CHLSN: variants seen among roughly 807,000 people sequenced by gnomAD.
CHLSN encodes protein cholesin.
At chr7:1,020,971 G>A in the CHLSN span, among the ~76,000 whole-genome samples, 1 of 138,998 alleles carries the variant, frequency 7.2e-6, no homozygotes, top group Non-Finnish European at 1.5e-5. Context: ...AGGGCCTCCA[G>A]GCTGGGGACC....
At chr7:1,062,826 A>C in the CHLSN span, among the ~76,000 whole-genome samples, 1 of 152,210 alleles carries the variant, frequency 6.6e-6, no homozygotes, top group Non-Finnish European at 1.5e-5. Flanking sequence ...AAGGAAGAGC[A>C]GAGAATCTAG....
chr7:1,127,839 A>G, the CHLSN span, among the ~76,000 whole-genome samples: 412 of 35,036 alleles, frequency 0.012, 4 homozygotes, highest in South Asian at 0.015. Flanking sequence ...GCAGTGGCAC[A>G]ATCTCGGCTC....
chr7:1,122,556 A>G, the CHLSN span, among the ~76,000 whole-genome samples: 5 of 152,170 alleles, frequency 3.3e-5, no homozygotes, highest in African/African-American at 9.7e-5. Flanking sequence ...AAAGACAGAA[A>G]GACCTGCCGA....
At chr7:1,057,253 C>T in the CHLSN span, among the ~76,000 whole-genome samples, 1 of 152,222 alleles carries the variant, frequency 6.6e-6, no homozygotes, top group South Asian at 2.1e-4. Context: ...CAGGCTCCCT[C>T]TCTGGTCCCC....
At chr7:987,241 G>A in the CHLSN span, 4 of 1,526,656 alleles carry the variant, frequency 2.6e-6, no homozygotes, top group Non-Finnish European at 3.5e-6. Flanking sequence ...ACCCGGACGT[G>A]CAGGGTGAGA....
At chr7:1,094,642 G>A in the CHLSN span, among the ~76,000 whole-genome samples, 225 of 151,784 alleles carry the variant, frequency 1.5e-3, no homozygotes, top group African/African-American at 4.9e-3. Context: ...CTCTCCTCCC[G>A]TCCATGGGAC....
At chr7:1,052,305 C>CG in the CHLSN span, among the ~76,000 whole-genome samples, 1 of 152,222 alleles carries the variant, frequency 6.6e-6, no homozygotes, top group Non-Finnish European at 1.5e-5. This position sits in a 1 kb window ranked among gnomAD's most constrained non-coding sequence, Gnocchi z 4.2. Context: ...TGGGGACACT[C>CG]GCCTGAGAAG....
At chr7:1,022,614 C>T in the CHLSN span, among the ~76,000 whole-genome samples, 1 of 152,232 alleles carries the variant, frequency 6.6e-6, no homozygotes, top group Non-Finnish European at 1.5e-5. Flanking sequence ...ACATTCGGAT[C>T]CGGACTCTGA....
the CHLSN span, among the ~76,000 whole-genome samples, chr7:1,042,992 C>T: frequency 2.0e-5 from 3 of 151,942 alleles, no homozygotes; most frequent in Non-Finnish European, 2.9e-5. Flanking sequence ...TGGCTCACAC[C>T]TGTAATCCCA....
At chr7:1,016,619 CAGAGCACAGT>C in the CHLSN span, among the ~76,000 whole-genome samples, 608 of 141,342 alleles carry the variant, frequency 4.3e-3, 42 homozygotes, top group African/African-American at 0.015. Context: ...CAGCGCACGC[CAGAGCACAGT>C]AGCGCACGCC....
At chr7:1,124,110 T>C in the CHLSN span, among the ~76,000 whole-genome samples, 22 of 152,222 alleles carry the variant, frequency 1.4e-4, no homozygotes, top group Admixed American at 1.4e-3. Context: ...GCTTTCTTCT[T>C]TCCCCTCTTG....
chr7:1,060,979 G>A, the CHLSN span, among the ~76,000 whole-genome samples: 5 of 152,122 alleles, frequency 3.3e-5, no homozygotes, highest in Non-Finnish European at 7.4e-5. Flanking sequence ...GGGTGTCCGT[G>A]CTTGAACCAG....
At chr7:1,009,872 G>C in the CHLSN span, 2 of 1,242,636 alleles carry the variant, frequency 1.6e-6, no homozygotes, top group Admixed American at 2.5e-5. Flanking sequence ...CAGTGTGTGC[G>C]AGTGAAGGCT....
chr7:979,750 CA>C, the CHLSN span, among the ~76,000 whole-genome samples: 16 of 151,428 alleles, frequency 1.1e-4, no homozygotes, highest in African/African-American at 3.7e-4. Flanking sequence ...AAAAAAAATG[CA>C]GGGATTCAAG....
the CHLSN span, chr7:985,296 G>C: frequency 3.4e-5 from 53 of 1,551,402 alleles, no homozygotes; most frequent in African/African-American, 7.0e-4. Context: ...ATGAGGTCAT[G>C]GTCCTCTTGG....
chr7:1,094,194 G>A, the CHLSN span, among the ~76,000 whole-genome samples: 3 of 152,244 alleles, frequency 2.0e-5, no homozygotes, highest in East Asian at 1.9e-4. Context: ...GAAGGTTCCT[G>A]CTCCTTCTCC....
the CHLSN span, among the ~76,000 whole-genome samples, chr7:993,583 T>A: frequency 6.6e-6 from 1 of 152,198 alleles, no homozygotes; most frequent in African/African-American, 2.4e-5. Flanking sequence ...GGGACCAGCC[T>A]GGGCAACACA....
the CHLSN span, among the ~76,000 whole-genome samples, chr7:1,016,879 G>GA: frequency 1.1e-5 from 1 of 89,998 alleles, no homozygotes; most frequent in Non-Finnish European, 2.1e-5. Flanking sequence ...GCAGCGCACA[G>GA]CAGCACACAC....
chr7:1,081,146 G>A, the CHLSN span, among the ~76,000 whole-genome samples: 1 of 152,244 alleles, frequency 6.6e-6, no homozygotes. Flanking sequence ...GTCCCTCCCC[G>A]CGTGCCGTCA....
Sources: allele counts gnomAD v4.1 joint callset (sites outside exome capture counted in the v4.1 genomes callset), GRCh38; gene constraint gnomAD v4.1.1; non-coding constraint Gnocchi (gnomAD v3.1); transcripts MANE v1.5; gene names NCBI Gene and HGNC (gene_info 2026-07-23, HGNC 2026-07-21).